Variants in DYNC1I1 observed in about 807,000 individuals in gnomAD.
DYNC1I1 encodes the protein cytoplasmic dynein 1 intermediate chain 1.
Under a neutral mutation model 86.6 loss-of-function variants are expected in DYNC1I1, and 43 were observed. The ratio of observed to expected loss-of-function variants is 0.50; its 90% CI spans 0.39 to 0.64. The LOEUF (loss-of-function observed/expected upper bound fraction) is 0.64. Among genes scored for constraint, DYNC1I1 ranks in the 30% least tolerant of loss-of-function variants. The pLI, the probability that DYNC1I1 is intolerant of heterozygous loss-of-function variation, is 0.00. For missense variants in DYNC1I1, 604 were observed against 788.8 expected (o/e 0.77, Z 2.81); for synonymous variants, 262 against 283.7 (o/e 0.92, Z 0.77).
chr7:95,816,518 T>C (rs571500853), intron 4 of DYNC1I1, among the ~76,000 whole-genome samples: 1 of 152,362 alleles, frequency 6.6e-6, no homozygotes, highest in Middle Eastern at 3.4e-3. Context: ...TTTTATCTTC[T>C]TTCTCCTGAT....
chr7:95,818,473 ATTTTTTTT>A (rs10590197), intron 4 of DYNC1I1: 10 of 574,260 alleles, frequency 1.7e-5, no homozygotes, highest in African/African-American at 1.3e-4. Flanking sequence ...AGCTGATTTA[ATTTTTTTT>A]TTTTTTTTTT....
At chr7:95,860,674 G>A (rs1008969043) in intron 5 of DYNC1I1, among the ~76,000 whole-genome samples, 2 of 152,044 alleles carry the variant, frequency 1.3e-5, no homozygotes, top group Admixed American at 6.6e-5. Context: ...AAATAATATA[G>A]ATTTATTTCT....
chr7:95,972,096 A>G (rs1181686220), intron 6 of DYNC1I1, among the ~76,000 whole-genome samples: 1 of 152,138 alleles, frequency 6.6e-6, no homozygotes, highest in African/African-American at 2.4e-5. Context: ...CTCTCTTCAC[A>G]GAGGGTCGCC....
At chr7:95,946,588 T>C (rs1792407835) in intron 6 of DYNC1I1, among the ~76,000 whole-genome samples, 1 of 152,212 alleles carries the variant, frequency 6.6e-6, no homozygotes, top group African/African-American at 2.4e-5. Flanking sequence ...GCTCTGAGCC[T>C]CATTCATTGA....
chr7:95,967,437 G>A (rs1175196422), intron 6 of DYNC1I1, among the ~76,000 whole-genome samples: 1 of 152,116 alleles, frequency 6.6e-6, no homozygotes, highest in Non-Finnish European at 1.5e-5. Flanking sequence ...GACACTCCAG[G>A]TGCACTCTTA....
At chr7:95,846,437 A>G (rs1278063882) in intron 5 of DYNC1I1, among the ~76,000 whole-genome samples, 2 of 152,168 alleles carry the variant, frequency 1.3e-5, no homozygotes, top group African/African-American at 4.8e-5. Flanking sequence ...CCAAACTAAT[A>G]TCTCTGCACA....
At position 96,006,375 on chromosome 7, in the gene DYNC1I1, G is replaced by A. The variant is rs1305634212; in HGVS notation, c.969+10302G>A. 3.9e-5 allele frequency among the ~76,000 whole-genome samples: 6 copies of A among 152,114 alleles called. No individual in the cohort carries two copies. In the East Asian group the frequency reaches 1.2e-3, roughly 29 times the overall value. On this transcript the variant is annotated intron_variant, in intron 10 of 16. Coordinates refer to ENST00000447467, the MANE Select transcript of DYNC1I1 (RefSeq NM_001135556.2). The stretch of plus-strand genomic sequence containing the variant: ...TCAGAGGAGAGAAAACCCCACCTGA[G>A]CCTTTCTCCCCCTCCCCAGTCACAC...
intron 14 of DYNC1I1, among the ~76,000 whole-genome samples, chr7:96,049,036 G>A (rs1044396176): frequency 6.6e-6 from 1 of 152,044 alleles, no homozygotes; most frequent in Non-Finnish European, 1.5e-5. Context: ...GAGGCAGGCA[G>A]ATCACAAGGT....
At chr7:95,841,539 T>A (rs1325105999) in intron 5 of DYNC1I1, among the ~76,000 whole-genome samples, 1 of 152,002 alleles carries the variant, frequency 6.6e-6, no homozygotes, top group Admixed American at 6.6e-5. Flanking sequence ...TATTGGGCCC[T>A]ATCAGCTCCC....
intron 10 of DYNC1I1, among the ~76,000 whole-genome samples, chr7:96,004,624 G>T (rs1459465290): frequency 6.7e-6 from 1 of 149,498 alleles, no homozygotes; most frequent in Admixed American, 6.7e-5. Context: ...GTACCCAAGT[G>T]CTCATGCTCA....
At chr7:96,025,558 T>C (rs2115943598) in intron 10 of DYNC1I1, among the ~76,000 whole-genome samples, 1 of 152,350 alleles carries the variant, frequency 6.6e-6, no homozygotes, top group African/African-American at 2.4e-5. Context: ...TAGCATTAAC[T>C]TGACTTTTTA....
intron 6 of DYNC1I1, among the ~76,000 whole-genome samples, chr7:95,880,474 A>G (rs1420163194): frequency 1.3e-5 from 2 of 152,042 alleles, no homozygotes; most frequent in Non-Finnish European, 2.9e-5. Context: ...TGTAGGGGTT[A>G]CAAGTTACTT....
chr7:95,991,691 A>G (rs1389477701), intron 9 of DYNC1I1, among the ~76,000 whole-genome samples: 1 of 152,140 alleles, frequency 6.6e-6, no homozygotes, highest in Non-Finnish European at 1.5e-5. Flanking sequence ...AGAGATTCAC[A>G]TGAACCAGGC....
intron 11 of DYNC1I1, among the ~76,000 whole-genome samples, chr7:96,030,829 G>T (rs1254634408): frequency 6.6e-6 from 1 of 152,056 alleles, no homozygotes; most frequent in Non-Finnish European, 1.5e-5. Flanking sequence ...ACTGCCTGGG[G>T]CTCTACATAC....
chr7:95,998,892 T>A (rs1400402579), intron 10 of DYNC1I1, among the ~76,000 whole-genome samples: 1 of 152,208 alleles, frequency 6.6e-6, no homozygotes, highest in Non-Finnish European at 1.5e-5. Context: ...ACTGACAAGC[T>A]TTTTGCCTAC....
chr7:95,997,767 G>A (rs1793906790), intron 10 of DYNC1I1, among the ~76,000 whole-genome samples: 2 of 151,978 alleles, frequency 1.3e-5, no homozygotes, highest in Admixed American at 1.3e-4. Flanking sequence ...ATAGTAACAA[G>A]ATAGTCATAC....
intron 6 of DYNC1I1, among the ~76,000 whole-genome samples, chr7:95,913,026 C>T (rs1024152818): frequency 1.6e-4 from 24 of 152,176 alleles, no homozygotes; most frequent in Non-Finnish European, 2.8e-4. Flanking sequence ...GATTAATGCT[C>T]TACCACTATT....
At chr7:95,935,306 TTTC>T (rs972070755) in intron 6 of DYNC1I1, among the ~76,000 whole-genome samples, 23 of 152,072 alleles carry the variant, frequency 1.5e-4, no homozygotes, top group African/African-American at 5.3e-4. Flanking sequence ...ATTGCAGAAT[TTTC>T]TTCTTTTTAA....
At chr7:95,863,762 A>G (rs1414361250) in intron 5 of DYNC1I1, among the ~76,000 whole-genome samples, 2 of 152,200 alleles carry the variant, frequency 1.3e-5, no homozygotes, top group African/African-American at 4.8e-5. Context: ...TGTAGATGCA[A>G]TGATTCCAGA....
Sources: allele counts gnomAD v4.1 joint callset (sites outside exome capture counted in the v4.1 genomes callset), GRCh38; gene constraint gnomAD v4.1.1; transcripts MANE v1.5; gene names NCBI Gene and HGNC (gene_info 2026-07-23, HGNC 2026-07-21).